The following DNAH14 variants were observed in gnomAD, a reference collection of about 807,000 sequenced individuals.
The protein encoded by DNAH14 is dynein axonemal heavy chain 14, also known as axonemal beta dynein heavy chain 14.
DNAH14 carries 478 observed loss-of-function variants against 520.9 expected under a neutral mutation model. That is an observed-to-expected ratio of 0.92 (90% confidence interval 0.85 to 0.99). The LOEUF (loss-of-function observed/expected upper bound fraction) is 0.99. DNAH14 is among the 50% of genes least tolerant of loss of function. The pLI is 0.00. For missense variants in DNAH14, 4,831 were observed against 5,234.5 expected (o/e 0.92, Z 2.38); for synonymous variants, 1,581 against 1,757.2 (o/e 0.90, Z 2.51).
intron 75 of DNAH14, 111 bp from the exon 76 acceptor site, chr1:225,364,681 A>G (rs1000723363): frequency 2.7e-5 from 18 of 669,680 alleles, no homozygotes; most frequent in Middle Eastern, 4.3e-4. Context: ...TAAGATCTTC[A>G]GTATTAAAAT....
chr1:224,968,804 A>G lies in DNAH14; in HGVS notation c.697A>G (p.Thr233Ala), dbSNP rs1216222750. 1.9e-6 allele frequency: 3 copies of G among 1,540,928 alleles called. No individual in the cohort carries two copies. In the South Asian group the frequency reaches 3.7e-5, roughly 19 times the overall value. ...GSVKEVELIPTLEWLSERRHY... is the reference protein window; with the variant it reads ...GSVKEVELIPALEWLSERRHY... ...TGTAAAGGAAGTAGAACTCATACCTACTTTGGAATGGCTATCAGAAAGAAG... is the reference window on the plus strand; with the variant it reads ...TGTAAAGGAAGTAGAACTCATACCTGCTTTGGAATGGCTATCAGAAAGAAG... Residue 233 changes from threonine to alanine, a missense_variant, in exon 7 of 86, where the codon ACT becomes GCT. Thr to Ala is a moderately conservative substitution (Grantham distance 58, BLOSUM62 0). Transcript: ENST00000682510.
intron 1 of DNAH14, among the ~76,000 whole-genome samples, chr1:224,950,696 TATCGGCCAA>T (rs928120300): frequency 1.3e-5 from 2 of 152,244 alleles, no homozygotes; most frequent in African/African-American, 4.8e-5. Flanking sequence ...AATGATGGCC[TATCGGCCAA>T]ATCTGACCTG....
At chr1:225,224,524 T>TC (rs35149713) in intron 41 of DNAH14, among the ~76,000 whole-genome samples, 47,766 of 151,904 alleles carry the variant, frequency 0.31, 8,681 homozygotes, top group East Asian at 0.61. Context: ...TCATCAGAAT[T>TC]CTTTGAGTAA....
intron 66 of DNAH14, among the ~76,000 whole-genome samples, chr1:225,335,719 A>G (rs1367218444): frequency 1.9e-5 from 2 of 103,852 alleles, no homozygotes; most frequent in Non-Finnish European, 3.7e-5. Flanking sequence ...GTATATACGC[A>G]TATATACATA....
chr1:225,383,022 T>G (rs932315914), intron 81 of DNAH14, among the ~76,000 whole-genome samples: 1 of 152,208 alleles, frequency 6.6e-6, no homozygotes, highest in African/African-American at 2.4e-5. Context: ...AATAGATTAT[T>G]GGTTGCCTCA....
At chr1:225,065,326 C>T (rs1319343397) in intron 17 of DNAH14, among the ~76,000 whole-genome samples, 1 of 151,728 alleles carries the variant, frequency 6.6e-6, no homozygotes, top group Non-Finnish European at 1.5e-5. Context: ...TATCCATCAT[C>T]TCAAATACTT....
chr1:225,262,821 C>T (rs2092980932), intron 46 of DNAH14, among the ~76,000 whole-genome samples: 1 of 151,672 alleles, frequency 6.6e-6, no homozygotes, highest in Non-Finnish European at 1.5e-5. Flanking sequence ...TGCTTTGGCT[C>T]TTCAGTCTGT....
At chr1:225,161,315 C>T (rs752700546) in intron 35 of DNAH14, among the ~76,000 whole-genome samples, 8 of 152,080 alleles carry the variant, frequency 5.3e-5, no homozygotes, top group East Asian at 3.8e-4. Flanking sequence ...ACATAATGAC[C>T]GGTTCCATCT....
chr1:224,975,273 A>G lies in DNAH14; in HGVS notation c.830+1120A>G, dbSNP rs897160656. Among the ~76,000 whole-genome samples, 61 of 152,228 alleles carry G rather than the reference A, an allele frequency of 4.0e-4. 1 individual carries two copies. Among genetic ancestry groups the G allele is most frequent in the East Asian group, 1.2e-3 (6 of 5,184 alleles). On this transcript the variant is annotated intron_variant, in intron 8 of 85. Coordinates refer to ENST00000682510, the MANE Select transcript of DNAH14 (RefSeq NM_001367479.1). ...ATTAGGGAGGATTCACTCTTTTTCT[A>G]TTGATTGGAATAGTTTCAGAAGGAA...
rs566399738 is a variant in DNAH14 at position 225,212,240 on chromosome 1, C to A, written c.6439+5020C>A. On this transcript the variant is annotated intron_variant, in intron 41 of 85. Transcript: ENST00000682510. ...TCCCTACAAAGGACATGAACTCATC[C>A]TTTTTTATGGCTGCATAGTATTCCA... Among the ~76,000 whole-genome samples, 639 of 151,838 alleles carry A rather than the reference C, an allele frequency of 4.2e-3. 5 individuals are homozygous for A. Among genetic ancestry groups the A allele is most frequent in the African/African-American group, 0.015 (607 of 41,368 alleles).
chr1:224,995,365 A>G lies in DNAH14; in HGVS notation c.831-7418A>G, dbSNP rs114175095. Among the ~76,000 whole-genome samples, 763 of 152,132 alleles carry G rather than the reference A, an allele frequency of 5.0e-3. 6 individuals are homozygous for G. The highest frequency in any genetic ancestry group is 0.017 in the African/African-American group (719 of 41,490). On this transcript the variant is annotated intron_variant, in intron 8 of 85. Coordinates refer to ENST00000682510, the MANE Select transcript of DNAH14 (RefSeq NM_001367479.1). ...TTTTCCCCCTTAGCATTTTTAATAT[A>G]TCATCCCATTCTTCCCTGGCCTACA...
chr1:224,985,771 G>C (rs1007301494), intron 8 of DNAH14, among the ~76,000 whole-genome samples: 2 of 151,902 alleles, frequency 1.3e-5, no homozygotes, highest in Non-Finnish European at 2.9e-5. Context: ...ATCTACTGAA[G>C]AATGCATGAG....
intron 11 of DNAH14, among the ~76,000 whole-genome samples, chr1:225,031,636 AT>A (rs1190064607): frequency 6.6e-6 from 1 of 152,086 alleles, no homozygotes. Context: ...TTACAGGCTA[AT>A]ACAAATTATT....
intron 8 of DNAH14, among the ~76,000 whole-genome samples, chr1:224,980,812 T>G (rs1210834892): frequency 2.6e-5 from 4 of 152,094 alleles, no homozygotes; most frequent in Non-Finnish European, 5.9e-5. Context: ...GTGGCCACAG[T>G]GGGGCTTGTG....
At chr1:225,347,539 GT>G (rs1358444591) in intron 71 of DNAH14, among the ~76,000 whole-genome samples, 3 of 152,186 alleles carry the variant, frequency 2.0e-5, no homozygotes, top group Admixed American at 6.5e-5. Context: ...CAAGGGACTA[GT>G]TTTTGTCTTG....
intron 41 of DNAH14, among the ~76,000 whole-genome samples, chr1:225,227,444 C>T (rs543622245): frequency 5.3e-5 from 8 of 152,188 alleles, no homozygotes; most frequent in East Asian, 3.9e-4. Context: ...CATGTTTCTG[C>T]GAGCACAGGG....
intron 15 of DNAH14, among the ~76,000 whole-genome samples, chr1:225,044,650 G>A (rs754796252): frequency 1.1e-4 from 16 of 152,132 alleles, no homozygotes; most frequent in African/African-American, 3.9e-4. Context: ...TGGCTGAAAG[G>A]TAGTCAGTAT....
intron 8 of DNAH14, among the ~76,000 whole-genome samples, chr1:224,986,538 A>G (rs1018219696): frequency 6.8e-5 from 10 of 147,098 alleles, no homozygotes; most frequent in African/African-American, 2.7e-4. Context: ...AAAGCAATCA[A>G]TGTGAAACAT....
intron 43 of DNAH14, among the ~76,000 whole-genome samples, chr1:225,241,546 T>A (rs1193192456): frequency 6.6e-6 from 1 of 152,160 alleles, no homozygotes; most frequent in Admixed American, 6.6e-5. Context: ...ATTTTTTTCA[T>A]GGTGTGAATG....
Sources: gnomAD v4.1 joint callset for allele counts (sites outside exome capture counted in the v4.1 genomes callset) on GRCh38, gnomAD v4.1.1 for gene constraint, MANE v1.5 for transcripts, NCBI Gene and HGNC (gene_info 2026-07-23, HGNC 2026-07-21) for gene names.